CPS1: variants seen among roughly 807,000 people sequenced by gnomAD.
CPS1 encodes the protein carbamoyl-phosphate synthase 1.
A neutral mutation model predicts 174.6 loss-of-function variants in CPS1; 109 were observed. The ratio of observed to expected loss-of-function variants is 0.62; its 90% CI spans 0.53 to 0.73. CPS1 has a LOEUF of 0.73. Ranked by LOEUF, CPS1 falls within the 30% of genes least tolerant of loss-of-function variation. The probability of loss-of-function intolerance (pLI) is 0.00; values close to 1 mark genes in which losing one functional copy is unlikely to be tolerated. For missense variants in CPS1, 1,689 were observed against 1,821.9 expected, an observed-to-expected ratio of 0.93 and a Z score of 1.33; for synonymous variants, 637 against 632.0, an observed-to-expected ratio of 1.01 and a Z score of -0.12.
chr2:210,542,303 G>C (rs912911790), intron 1 of CPS1, among the ~76,000 whole-genome samples: 5 of 152,012 alleles, frequency 3.3e-5, no homozygotes, highest in African/African-American at 1.2e-4. Context: ...TCTCAAATGG[G>C]AGCCCAAGAC....
chr2:210,675,309 C>T (rs1011944082), intron 35 of CPS1, among the ~76,000 whole-genome samples: 1 of 152,136 alleles, frequency 6.6e-6, no homozygotes, highest in Non-Finnish European at 1.5e-5. Flanking sequence ...AACTTCTTTG[C>T]AGTGAATACC....
At position 210,493,870 on chromosome 2, in the gene CPS1, G is replaced by T. The variant is rs75654176; in HGVS notation, c.3+16104G>T. Among the ~76,000 whole-genome samples the T allele has an allele frequency of 9.0e-4, 130 of 144,230 alleles. 1 individual carries two copies. In the East Asian group the frequency reaches 0.018, roughly 19 times the overall value. 94.6% of individuals were successfully genotyped at this position (144,230 alleles called of 152,430 possible). ...TGATAGTTATTTGTAGTTTGTAGAG[G>T]AATTATTTCATTCATATGAGTGAAC... On this transcript the variant is annotated intron_variant, in intron 1 of 38. Coordinates refer to the CPS1 transcript ENST00000430249.
chr2:210,633,511 A>G (rs1274687509), intron 21 of CPS1, among the ~76,000 whole-genome samples: 1 of 152,220 alleles, frequency 6.6e-6, no homozygotes, highest in African/African-American at 2.4e-5. Context: ...AAAAAGAACA[A>G]GAGAAATTAT....
intron 8 of CPS1, 46 bp downstream of exon 8, chr2:210,590,280 G>A (rs1372964298): frequency 6.2e-7 from 1 of 1,611,228 alleles, no homozygotes; most frequent in African/African-American, 1.3e-5. Flanking sequence ...GGAGGTGGGG[G>A]CTTCCGCTCT....
In CPS1 at chr2:210,514,800, G is replaced by A. The variant is rs190457680; in HGVS notation, c.3+37034G>A. Among the ~76,000 whole-genome samples, 39 of 129,054 alleles carry A rather than the reference G, an allele frequency of 3.0e-4. 1 individual carries two copies. Among genetic ancestry groups the A allele is most frequent in the Non-Finnish European group, 6.5e-5 (4 of 61,174 alleles). The allele number at this position is 129,054 out of a possible 152,430, so 84.7% of individuals were successfully genotyped here. On this transcript the variant is annotated intron_variant, in intron 1 of 38. Coordinates refer to the CPS1 transcript ENST00000430249. ...GGGAATGCTTCTTTTTTTTTTTTTG[G>A]TCTGTTTAGTGTGATGCTGGTTGTG...
At chr2:210,588,391 A>G (rs1698179080) in intron 7 of CPS1, among the ~76,000 whole-genome samples, 1 of 151,800 alleles carries the variant, frequency 6.6e-6, no homozygotes, top group African/African-American at 2.4e-5. Flanking sequence ...GAAAATGATG[A>G]CTGTTCTTGT....
intron 1 of CPS1, among the ~76,000 whole-genome samples, chr2:210,561,658 A>G (rs1425717547): frequency 1.3e-5 from 2 of 152,116 alleles, no homozygotes; most frequent in Non-Finnish European, 2.9e-5. Context: ...TGGGATTTGT[A>G]TTTCCTGGGG....
At chr2:210,535,834 T>C (rs1294223308) in intron 1 of CPS1, among the ~76,000 whole-genome samples, 2 of 150,250 alleles carry the variant, frequency 1.3e-5, no homozygotes. Flanking sequence ...TTTTTTTTTT[T>C]TTTTTGATAA....
chr2:210,503,795 A>T (rs913115933), intron 1 of CPS1, among the ~76,000 whole-genome samples: 1 of 151,762 alleles, frequency 6.6e-6, no homozygotes, highest in African/African-American at 2.4e-5. Flanking sequence ...TCCAGGAAGA[A>T]AGAATTTTAT....
At chr2:210,626,377 A>G (rs1699698870) in intron 21 of CPS1, among the ~76,000 whole-genome samples, 1 of 152,166 alleles carries the variant, frequency 6.6e-6, no homozygotes, top group Non-Finnish European at 1.5e-5. Context: ...CAAAATGCAT[A>G]TGATTCCTGG....
chr2:210,532,443 A>G (rs1402299806), intron 1 of CPS1, among the ~76,000 whole-genome samples: 1 of 152,190 alleles, frequency 6.6e-6, no homozygotes, highest in East Asian at 1.9e-4. Flanking sequence ...TTGTTTTTAA[A>G]TAGTTATACA....
At position 210,639,209 on chromosome 2, in the gene CPS1, T is replaced by C; in HGVS notation, c.2889T>C (p.Asn963=). The C allele has an allele frequency of 6.2e-7, 1 of 1,611,940 alleles. No homozygotes were observed. The highest frequency in any genetic ancestry group is 8.5e-7 in the Non-Finnish European group (1 of 1,178,150). The change falls in exon 23 of 38, where the codon AAT becomes AAC. Residue 963 remains asparagine, a synonymous_variant. Coordinates refer to ENST00000233072, the MANE Select transcript of CPS1 (RefSeq NM_001875.5). ...CAAACTATCTCTATGTTACCTACAATGGTCAGGTAGGAATGGGCAAATTGG... is the reference window on the plus strand; with the variant it reads ...CAAACTATCTCTATGTTACCTACAACGGTCAGGTAGGAATGGGCAAATTGG... ...SVTNYLYVTY[N]GQEHDVNFDD...
intron 13 of CPS1, among the ~76,000 whole-genome samples, 191 bp downstream of exon 13, chr2:210,595,773 A>G (rs1409057596): frequency 3.3e-5 from 5 of 151,992 alleles, no homozygotes; most frequent in South Asian, 2.1e-4. Context: ...TGTAATGTGC[A>G]CATCTGTAAA....
chr2:210,556,246 G>A, upstream of CPS1: 1 of 421,728 alleles, frequency 2.4e-6, no homozygotes, highest in South Asian at 1.7e-5. Flanking sequence ...ACAGAAAATG[G>A]CAAGCGTTCA....
At chr2:210,590,387 AG>A (rs1698254270) in intron 8 of CPS1, among the ~76,000 whole-genome samples, 153 bp downstream of exon 8, 1 of 152,080 alleles carries the variant, frequency 6.6e-6, no homozygotes, top group South Asian at 2.1e-4. Flanking sequence ...GATATTCTGT[AG>A]GGGAACCAAT....
At chr2:210,520,461 C>A (rs1342151713) in intron 1 of CPS1, among the ~76,000 whole-genome samples, 1 of 152,034 alleles carries the variant, frequency 6.6e-6, no homozygotes, top group Non-Finnish European at 1.5e-5. Flanking sequence ...TCTCCCTCCC[C>A]TTGTCCTCCA....
chr2:210,504,448 T>C (rs1695226706), intron 1 of CPS1, among the ~76,000 whole-genome samples: 1 of 152,232 alleles, frequency 6.6e-6, no homozygotes. Flanking sequence ...AATCCTCACA[T>C]CAGTGTCATG....
At chr2:210,478,296 A>G (rs1694460992) in intron 1 of CPS1, among the ~76,000 whole-genome samples, 1 of 152,142 alleles carries the variant, frequency 6.6e-6, no homozygotes, top group African/African-American at 2.4e-5. Context: ...GGTATTATCT[A>G]GTGTTCTAAT....
Position 210,654,032 on chromosome 2 carries a change from C to T in CPS1, c.3488C>T (p.Pro1163Leu), listed in dbSNP as rs1002937400. 1 of 1,613,334 alleles carries T rather than the reference C, an allele frequency of 6.2e-7. No individual in the cohort carries two copies. The highest frequency in any genetic ancestry group is 8.5e-7 in the Non-Finnish European group (1 of 1,179,290). Reference sequence around the variant, plus strand: ...TGTTTTCCTTCGTGACAGGAGCACCCAGTGGTGCTGACAAAATTTGTTGAA... The same window carrying T: ...TGTTTTCCTTCGTGACAGGAGCACCTAGTGGTGCTGACAAAATTTGTTGAA... ...EEATRVSQEH[P>L]VVLTKFVEGA... The change falls in exon 29 of 38, where the codon CCA becomes CTA. Residue 1163 changes from proline (P) to leucine (L), a missense_variant. Transcript: ENST00000233072.
Sources: gnomAD v4.1 joint callset for allele counts (sites outside exome capture counted in the v4.1 genomes callset) on GRCh38, gnomAD v4.1.1 for gene constraint, MANE v1.5 for transcripts, NCBI Gene and HGNC (gene_info 2026-07-23, HGNC 2026-07-21) for gene names.